MDGA1: variants seen among roughly 807,000 people sequenced by gnomAD.
MDGA1 encodes the protein MAM domain-containing glycosylphosphatidylinositol anchor protein 1.
MDGA1 carries 54 observed loss-of-function variants against 101.5 expected under a neutral mutation model. The observed-to-expected ratio is 0.53, with a 90% confidence interval of 0.43 to 0.67. The LOEUF is 0.67. MDGA1 is among the 30% of genes least tolerant of loss of function. MDGA1 has a pLI of 0.00. For missense variants in MDGA1, 1,083 were observed against 1,323.8 expected (o/e 0.82, Z 2.82); for synonymous variants, 533 against 558.3 (o/e 0.95, Z 0.64).
intron 7 of MDGA1, 48 bp downstream of exon 7, chr6:37,651,963 G>T (rs1447426406): frequency 6.9e-7 from 1 of 1,448,682 alleles, no homozygotes; most frequent in Non-Finnish European, 9.2e-7. Context: ...CTGTCTGTGG[G>T]CCTCTCCACC....
chr6:37,638,425 C>A lies in MDGA1; in HGVS notation c.2667+112G>T. ...AATCTACCTGGAAGTTCCCCCTAAC[C>A]TGACTCTTTCCATCCTTAGCCCCCA... On this transcript the variant is annotated intron_variant, in intron 15 of 16. Transcript: ENST00000434837. This position sits in a 1 kb window ranked among gnomAD's most constrained non-coding sequence, Gnocchi z 4.8. 6.4e-7 allele frequency: 1 copy of A among 1,552,772 alleles called. No individual in the cohort carries two copies. The highest frequency in any genetic ancestry group is 1.7e-5 in the Admixed American group (1 of 58,100).
rs1247169188 is a variant in MDGA1, at chr6:37,655,807, T to C, written c.472A>G (p.Thr158Ala). 1.5e-5 allele frequency: 25 copies of C among 1,613,592 alleles called. No homozygotes were observed. Among genetic ancestry groups the C allele is most frequent in the Non-Finnish European group, 2.1e-5 (25 of 1,179,780 alleles). ...CGGGCAGGCGGGTTGGAGTTGACAG[T>C]ACAGCGCAGGAACACCGTCTTCTCC... ...YQEKTVFLRC[T>A]VNSNPPARFI... The change falls in exon 4 of 17, where the codon ACT becomes GCT. Residue 158 changes from threonine to alanine, a missense_variant. By Grantham distance (58) the Thr-to-Ala change is moderately conservative. Around this residue, in one of 3 missense-constraint regions of MDGA1, gnomAD observed 310 missense variants for 355.9 expected, o/e 0.87. Coordinates refer to ENST00000434837, the MANE Select transcript of MDGA1 (RefSeq NM_153487.4). The surrounding 1 kb of genome is among the most constrained non-coding windows in gnomAD (Gnocchi z 5.1).
At chr6:37,645,514 C>T (rs1761170432) in intron 12 of MDGA1, among the ~76,000 whole-genome samples, 1 of 151,332 alleles carries the variant, frequency 6.6e-6, no homozygotes, top group Admixed American at 6.6e-5. Context: ...CCAGCCTGGA[C>T]AACAGAGTGA....
intron 1 of MDGA1, among the ~76,000 whole-genome samples, chr6:37,674,563 A>G (rs1448162297): frequency 1.3e-5 from 2 of 152,254 alleles, no homozygotes; most frequent in Non-Finnish European, 2.9e-5. Context: ...TGGAAGGCAC[A>G]CAGGTATTGA....
Position 37,646,198 on chromosome 6 carries a change from GCT to G in MDGA1, c.2222_2223del (p.Glu741AlafsTer15). On this transcript the variant is annotated frameshift_variant and splice_region_variant, in exon 11 of 17. Coordinates refer to ENST00000434837, the MANE Select transcript of MDGA1 (RefSeq NM_153487.4). LOFTEE classifies it high-confidence loss of function. ...TCCTACCGCCACCACTGTCACCTACGCTCTGTGTAGTGGATGATGCGGGAGGC... is the reference window on the plus strand; with the variant it reads ...TCCTACCGCCACCACTGTCACCTACGCTGTGTAGTGGATGATGCGGGAGGC... ...DMASRIIHYT[E>X]PINSPNLSDN... 1 of 1,576,678 alleles carries G rather than the reference GCT, an allele frequency of 6.3e-7. No individual in the cohort carries two copies. The highest frequency in any genetic ancestry group is 8.6e-7 in the Non-Finnish European group (1 of 1,157,738).
chr6:37,634,137 A>C lies in MDGA1; in HGVS notation c.*3231T>G, dbSNP rs1167593466. 1 of 152,726 alleles carries C rather than the reference A, an allele frequency of 6.5e-6. No individual in the cohort carries two copies. Among genetic ancestry groups the C allele is most frequent in the Non-Finnish European group, 1.5e-5 (1 of 68,124 alleles). 9.5% of individuals were successfully genotyped at this position (152,726 alleles called of 1,614,324 possible). ...CTGTCTGTGCTCCCAAGGGCAGGATAGCCCAGCTGAGACTTCCATAAGCTG... is the reference window on the plus strand; with the variant it reads ...CTGTCTGTGCTCCCAAGGGCAGGATCGCCCAGCTGAGACTTCCATAAGCTG... On this transcript the variant is annotated 3_prime_UTR_variant, in exon 17 of 17. Coordinates refer to ENST00000434837, the MANE Select transcript of MDGA1 (RefSeq NM_153487.4). The surrounding 1 kb of genome is among the most constrained non-coding windows in gnomAD (Gnocchi z 4.7).
chr6:37,670,448 TCC>T (rs1480381865), intron 1 of MDGA1, among the ~76,000 whole-genome samples: 1 of 152,160 alleles, frequency 6.6e-6, no homozygotes, highest in Non-Finnish European at 1.5e-5. Context: ...TCCCCGAGCA[TCC>T]CCCTTCTCAT....
At position 37,636,149 on chromosome 6, in the gene MDGA1, A is replaced by G. The variant is rs1468537501; in HGVS notation, c.*1219T>C. On this transcript the variant is annotated 3_prime_UTR_variant, in exon 17 of 17. Coordinates refer to ENST00000434837, the MANE Select transcript of MDGA1 (RefSeq NM_153487.4). Reference sequence around the variant, plus strand: ...GGGCTCAGGTGATGTCAAGGAGGAAAGATCTAGATCCCATCATGTCAATCT... The same window carrying G: ...GGGCTCAGGTGATGTCAAGGAGGAAGGATCTAGATCCCATCATGTCAATCT... The G allele has an allele frequency of 6.3e-6, 1 of 157,972 alleles. No individual in the cohort carries two copies. The highest frequency in any genetic ancestry group is 6.5e-5 in the Admixed American group (1 of 15,416). The allele number at this position is 157,972 out of a possible 1,614,324, so 9.8% of individuals were successfully genotyped here. A position where few individuals can be genotyped will look rare whatever the true frequency, so the allele number is the denominator to read the frequency against.
chr6:37,649,090 C>G lies in MDGA1; in HGVS notation c.1786G>C (p.Asp596His), dbSNP rs774032650. ...GCGTCGAGGCGCAGCTCCGCGTGAT[C>G]CGGCGCCTCGGCGGCGGCGGGAACA... ...PVVPAAAEAP[D>H]HAELRLDAVT... Residue 596 changes from aspartate to histidine, a missense_variant, in exon 9 of 17, where the codon GAT becomes CAT. Asp to His is a moderately conservative substitution (Grantham distance 81). Transcript: ENST00000434837. 2.0e-6 allele frequency: 3 copies of G among 1,526,938 alleles called. No individual in the cohort carries two copies. Among genetic ancestry groups the G allele is most frequent in the African/African-American group, 1.4e-5 (1 of 70,752 alleles). The allele number at this position is 1,526,938 out of a possible 1,614,324, so 94.6% of individuals were successfully genotyped here.
chr6:37,646,460 G>T, intron 10 of MDGA1, 85 bp from the exon 11 acceptor site: 1 of 1,190,274 alleles, frequency 8.4e-7, no homozygotes, highest in Non-Finnish European at 1.1e-6. Context: ...CACCCCTTCC[G>T]TGCCCACCTC....
Position 37,644,598 on chromosome 6 carries a change from A to G in MDGA1, c.2300T>C (p.Leu767Pro). 1 of 1,608,816 alleles carries G rather than the reference A, an allele frequency of 6.2e-7. No homozygotes were observed. The change falls in exon 13 of 17, where the codon CTG (leucine) becomes CCG (proline). Residue 767 changes from leucine to proline, a missense_variant. Coordinates refer to ENST00000434837, the MANE Select transcript of MDGA1 (RefSeq NM_153487.4). ...DEKICGYTQDLTDNFDWTRQN... is the reference protein window; with the variant it reads ...DEKICGYTQDPTDNFDWTRQN... ...CCGCGTCCAGTCAAAGTTGTCTGTC[A>G]GGTCCTGGGTATAGCCACAGATCTT...
Position 37,636,537 on chromosome 6 carries a change from G to A in MDGA1, c.*831C>T, listed in dbSNP as rs1394187728. 2.0e-5 allele frequency: 3 copies of A among 152,326 alleles called. No homozygotes were observed. Among genetic ancestry groups the A allele is most frequent in the Non-Finnish European group, 4.4e-5 (3 of 68,044 alleles). The allele number at this position is 152,326 out of a possible 1,614,324, so 9.4% of individuals were successfully genotyped here. On this transcript the variant is annotated 3_prime_UTR_variant, in exon 17 of 17. Coordinates refer to ENST00000434837, the MANE Select transcript of MDGA1 (RefSeq NM_153487.4). ...TGGCCACCGCTCCCCCAGCTCCTCT[G>A]AGACCCAGCTGGGGGCTGAGGCTAG...
chr6:37,685,029 C>T (rs535271987), intron 1 of MDGA1, among the ~76,000 whole-genome samples: 1 of 152,322 alleles, frequency 6.6e-6, no homozygotes, highest in South Asian at 2.1e-4. Flanking sequence ...CAGCTGGGGA[C>T]AGTGGCTCAT....
Position 37,649,118 on chromosome 6 carries a change from AGGC to A in MDGA1, c.1755_1757del (p.Pro586del), listed in dbSNP as rs946564395. Reference sequence around the variant, plus strand: ...GCGCCTCGGCGGCGGCGGGAACAACAGGCGGCGGCGGCAGCAGCTGCCCTTTGA... The same window carrying A: ...GCGCCTCGGCGGCGGCGGGAACAACAGGCGGCGGCAGCAGCTGCCCTTTGA... On this transcript the variant is annotated inframe_deletion, in exon 9 of 17. Coordinates refer to ENST00000434837, the MANE Select transcript of MDGA1 (RefSeq NM_153487.4). The A allele has an allele frequency of 6.6e-7, 1 of 1,517,570 alleles. No homozygotes were observed. 94.0% of individuals were successfully genotyped at this position (1,517,570 alleles called of 1,614,324 possible).
chr6:37,635,892 C>A lies in MDGA1; in HGVS notation c.*1476G>T. On this transcript the variant is annotated 3_prime_UTR_variant, in exon 17 of 17. Coordinates refer to ENST00000434837, the MANE Select transcript of MDGA1 (RefSeq NM_153487.4). ...CATCACTCAGGAAGGTGGACACACA[C>A]GCTGACGTACACGGACATTCATAGA... is the stretch of plus-strand genomic sequence containing the variant. 1 of 397,810 alleles carries A rather than the reference C, an allele frequency of 2.5e-6. No individual in the cohort carries two copies. Among genetic ancestry groups the A allele is most frequent in the African/African-American group, 2.1e-5 (1 of 48,748 alleles). The allele number at this position is 397,810 out of a possible 1,614,324, so 24.6% of individuals were successfully genotyped here. A position where few individuals can be genotyped will look rare whatever the true frequency, so the allele number is the denominator to read the frequency against.
intron 2 of MDGA1, 103 bp downstream of exon 2, chr6:37,663,864 C>T (rs79272824): frequency 0.012 from 15,659 of 1,285,430 alleles, 121 homozygotes; most frequent in Middle Eastern, 0.027. Context: ...CTCCATGCTG[C>T]GGTGCATCGT....
intron 1 of MDGA1, among the ~76,000 whole-genome samples, chr6:37,686,378 C>A (rs1762197538): frequency 6.6e-6 from 1 of 151,146 alleles, no homozygotes; most frequent in Non-Finnish European, 1.5e-5. Context: ...ATGCAGATGA[C>A]TGGTTTCCAC....
In MDGA1 at chr6:37,647,252, T is replaced by C; in HGVS notation, c.1967A>G (p.Tyr656Cys). ...PTRSHKLSKN[Y>C]SYVLQWTQRE... ...CTGAGTCCACTGCAGCACGTAGGAG[T>C]AGTTCTTGGACAGCTTGTGGCTGCG... Residue 656 changes from tyrosine (Y) to cysteine (C), a missense_variant, in exon 10 of 17, where the codon TAC (tyrosine) becomes TGC (cysteine). Transcript: ENST00000434837. The C allele has an allele frequency of 6.3e-7, 1 of 1,576,324 alleles. No individual in the cohort carries two copies. Among genetic ancestry groups the C allele is most frequent in the East Asian group, 2.3e-5 (1 of 43,038 alleles).
In MDGA1 at chr6:37,658,569, C is replaced by T; in HGVS notation, c.208-150G>A. On this transcript the variant is annotated intron_variant, in intron 2 of 16. Coordinates refer to ENST00000434837, the MANE Select transcript of MDGA1 (RefSeq NM_153487.4). ...CGCAGGCCTAGGAAACGAACCCAGA[C>T]AGACTCGTGGGAATGCACAGACGGG... 5.5e-6 allele frequency: 4 copies of T among 729,896 alleles called. No homozygotes were observed. In the South Asian group the frequency reaches 5.7e-5, roughly 10 times the overall value. 45.2% of individuals were successfully genotyped at this position (729,896 alleles called of 1,614,324 possible).
Sources: gnomAD v4.1 joint callset for allele counts (sites outside exome capture counted in the v4.1 genomes callset) on GRCh38, gnomAD v4.1.1 for gene constraint, gnomAD v4.1.1 regional missense constraint, Gnocchi (gnomAD v3.1) non-coding constraint, MANE v1.5 for transcripts, NCBI Gene and HGNC (gene_info 2026-07-23, HGNC 2026-07-21) for gene names.